Variants in SLF1 observed in about 807,000 individuals in gnomAD.
SLF1 encodes the protein SMC5/6 complex localization factor 1.
Under a neutral mutation model 123.0 loss-of-function variants are expected in SLF1, and 105 were observed. That is an observed-to-expected ratio of 0.85 (90% confidence interval 0.73 to 1.00). The LOEUF is 1.00. Ranked by LOEUF, SLF1 falls within the 50% of genes least tolerant of loss-of-function variation. The pLI, the probability that SLF1 is intolerant of heterozygous loss-of-function variation, is 0.00. For missense variants in SLF1, 1,239 were observed against 1,223.0 expected, an observed-to-expected ratio of 1.01 and a Z score of -0.20; for synonymous variants, 434 against 406.6, an observed-to-expected ratio of 1.07 and a Z score of -0.81.
chr5:94,673,601 G>A (rs1209100536), intron 14 of SLF1, among the ~76,000 whole-genome samples: 1 of 151,428 alleles, frequency 6.6e-6, no homozygotes, highest in Non-Finnish European at 1.5e-5. Context: ...GCCCTGGGAG[G>A]ATTGCTTGAG....
At chr5:94,647,699 T>C (rs927047248) in intron 5 of SLF1, among the ~76,000 whole-genome samples, 1 of 152,224 alleles carries the variant, frequency 6.6e-6, no homozygotes, top group Non-Finnish European at 1.5e-5. Context: ...TGACTATTTA[T>C]AGTTAAATAA....
chr5:94,645,683 G>A (rs1261536641), intron 5 of SLF1, among the ~76,000 whole-genome samples: 2 of 152,056 alleles, frequency 1.3e-5, no homozygotes, highest in Non-Finnish European at 2.9e-5. Context: ...AATAGTGGAG[G>A]GCAGCAATAG....
intron 4 of SLF1, among the ~76,000 whole-genome samples, chr5:94,643,040 T>A (rs549384165): frequency 2.0e-5 from 3 of 152,252 alleles, no homozygotes; most frequent in South Asian, 2.1e-4. Context: ...AAGCCTTTCC[T>A]TTATCAAGAA....
intron 4 of SLF1, among the ~76,000 whole-genome samples, chr5:94,632,731 C>T (rs982641708): frequency 1.6e-4 from 25 of 152,158 alleles, no homozygotes; most frequent in African/African-American, 4.8e-4. Context: ...GACAGAGTCT[C>T]GGTCTGTCGC....
At chr5:94,691,708 T>TA (rs750684476) in intron 19 of SLF1, 52 bp downstream of exon 19, 172 of 1,336,266 alleles carry the variant, frequency 1.3e-4, no homozygotes, top group Non-Finnish European at 1.7e-4. Context: ...TTTGTGATAT[T>TA]AAACAGTTTT....
chr5:94,654,876 TTTC>T (rs1748192530), intron 9 of SLF1, 124 bp downstream of exon 9: 1 of 741,698 alleles, frequency 1.3e-6, no homozygotes, highest in South Asian at 4.4e-5. Flanking sequence ...TTAAAATGAT[TTTC>T]TTAGTTTATT....
intron 1 of SLF1, among the ~76,000 whole-genome samples, chr5:94,619,819 A>G (rs571935225): frequency 6.6e-6 from 1 of 152,274 alleles, no homozygotes; most frequent in African/African-American, 2.4e-5. Context: ...AGTTGCTAGT[A>G]TGAGGTGAAT....
chr5:94,679,758 A>C (rs1334714682), intron 15 of SLF1, among the ~76,000 whole-genome samples: 1 of 152,140 alleles, frequency 6.6e-6, no homozygotes, highest in Admixed American at 6.5e-5. Context: ...TCTCCCCTAA[A>C]ATAAAGGGAG....
Position 94,662,366 on chromosome 5 carries a change from G to A in SLF1, c.1209+15G>A. 3 of 1,534,860 alleles carry A rather than the reference G, an allele frequency of 2.0e-6. No individual in the cohort carries two copies. Among genetic ancestry groups the A allele is most frequent in the Non-Finnish European group, 1.8e-6 (2 of 1,138,136 alleles). Reference sequence around the variant, plus strand: ...ACAACGTAGAGGTAAGGGGCTTGGAGCAGCATTGGTGATGGGGGCAAAGAA... The same window carrying A: ...ACAACGTAGAGGTAAGGGGCTTGGAACAGCATTGGTGATGGGGGCAAAGAA... On this transcript the variant is annotated intron_variant, in intron 10 of 20. Transcript: ENST00000265140.
At chr5:94,651,653 G>T in intron 6 of SLF1, 49 bp from the exon 7 acceptor site, 1 of 1,411,386 alleles carries the variant, frequency 7.1e-7, no homozygotes, top group East Asian at 2.8e-5. Flanking sequence ...TTGTGTTAAG[G>T]CTATATTTAA....
At chr5:94,623,852 A>G (rs1792005336) in intron 1 of SLF1, among the ~76,000 whole-genome samples, 1 of 151,828 alleles carries the variant, frequency 6.6e-6, no homozygotes. Context: ...AATTTTATAA[A>G]TAAATCAATC....
At chr5:94,665,013 C>G (rs1749577821) in intron 11 of SLF1, among the ~76,000 whole-genome samples, 1 of 152,144 alleles carries the variant, frequency 6.6e-6, no homozygotes, top group Non-Finnish European at 1.5e-5. Flanking sequence ...AAAAAAATTT[C>G]CTTCACTACT....
intron 5 of SLF1, 107 bp downstream of exon 5, chr5:94,643,542 A>G (rs1746677206): frequency 1.3e-6 from 1 of 773,554 alleles, no homozygotes; most frequent in East Asian, 3.4e-5. Context: ...TTTTGAAACT[A>G]CATTGGTAGT....
chr5:94,663,951 T>C (rs1029257227), intron 11 of SLF1, 43 bp downstream of exon 11: 2 of 1,436,612 alleles, frequency 1.4e-6, no homozygotes, highest in South Asian at 1.5e-5. Flanking sequence ...TTTCAAAGAA[T>C]GTTAAAATGT....
intron 14 of SLF1, 128 bp from the exon 15 acceptor site, chr5:94,678,680 T>A: frequency 3.9e-6 from 3 of 770,684 alleles, no homozygotes; most frequent in Non-Finnish European, 6.0e-6. Context: ...TAAGAATACC[T>A]TTAATCATTA....
At chr5:94,687,964 ATAAT>A (rs1363705384) in intron 16 of SLF1, among the ~76,000 whole-genome samples, 65 of 147,866 alleles carry the variant, frequency 4.4e-4, no homozygotes, top group Middle Eastern at 3.6e-3. Context: ...ATATTTAATA[ATAAT>A]TATTTATTAT....
At chr5:94,642,892 A>C (rs1260040935) in intron 4 of SLF1, among the ~76,000 whole-genome samples, 1 of 152,074 alleles carries the variant, frequency 6.6e-6, no homozygotes, top group Non-Finnish European at 1.5e-5. Context: ...AACTGGTTCC[A>C]TATTTTATGG....
At position 94,678,946 on chromosome 5, in the gene SLF1, T is replaced by C. The variant is rs1751429589; in HGVS notation, c.1966T>C (p.Ser656Pro). 1.9e-6 allele frequency: 3 copies of C among 1,613,078 alleles called. No individual in the cohort carries two copies. Among genetic ancestry groups the C allele is most frequent in the Non-Finnish European group, 2.5e-6 (3 of 1,179,602 alleles). The change falls in exon 15 of 21, where the codon TCG becomes CCG. Residue 656 changes from serine (S) to proline (P), a missense_variant. Physicochemically the swap from Ser to Pro is moderately conservative, Grantham distance 74. Transcript: ENST00000265140. ...SDDLGSYVSL[S>P]CDDFSSQELE... ...TGACTTAGGAAGTTATGTTTCTCTT[T>C]CGTGTGATGGTAAGTTTGTCTATGT...
intron 1 of SLF1, among the ~76,000 whole-genome samples, chr5:94,628,100 G>A (rs1338187627): frequency 6.6e-6 from 1 of 151,540 alleles, no homozygotes; most frequent in East Asian, 1.9e-4. Flanking sequence ...GAAAGTGCTG[G>A]GATTACAGGC....
Sources: allele counts gnomAD v4.1 joint callset (sites outside exome capture counted in the v4.1 genomes callset), GRCh38; gene constraint gnomAD v4.1.1; transcripts MANE v1.5; gene names NCBI Gene and HGNC (gene_info 2026-07-23, HGNC 2026-07-21).